Variants in IL7 observed in about 807,000 individuals in gnomAD.
IL7 encodes the protein interleukin-7.
A neutral mutation model predicts 21.6 loss-of-function variants in IL7; 3 were observed. The ratio of observed to expected loss-of-function variants is 0.14; its 90% CI spans 0.06 to 0.36. The LOEUF is 0.36. IL7 is among the 10% of genes least tolerant of loss of function. IL7 has a pLI of 1.00. For synonymous variants in IL7, 62 were observed against 68.1 expected (o/e 0.91, Z 0.44); for missense variants, 175 against 200.2 (o/e 0.87, Z 0.76).
chr8:78,725,260 G>C (rs1261986510), intron 3 of IL7, among the ~76,000 whole-genome samples: 1 of 151,924 alleles, frequency 6.6e-6, no homozygotes, highest in African/African-American at 2.4e-5. Flanking sequence ...TTAGTGGAGA[G>C]ACACAGAGCT....
At chr8:78,734,441 T>C (rs1233734608) in intron 5 of IL7, among the ~76,000 whole-genome samples, 1 of 152,222 alleles carries the variant, frequency 6.6e-6, no homozygotes, top group Non-Finnish European at 1.5e-5. Flanking sequence ...CTCAGTTATA[T>C]TTCTCTGAGT....
At chr8:78,678,764 G>T in intron 4 of IL7, 1 of 836,510 alleles carries the variant, frequency 1.2e-6, no homozygotes, top group Non-Finnish European at 1.8e-6. Flanking sequence ...GTAAGGTTAA[G>T]AATAAACACA....
intron 3 of IL7, among the ~76,000 whole-genome samples, chr8:78,694,844 G>A (rs1810347365): frequency 6.6e-6 from 1 of 152,116 alleles, no homozygotes; most frequent in Non-Finnish European, 1.5e-5. Context: ...ATGAATGAAA[G>A]AAATACGTTG....
At chr8:78,738,895 G>A (rs551626407) in intron 3 of IL7, among the ~76,000 whole-genome samples, 12 of 152,256 alleles carry the variant, frequency 7.9e-5, no homozygotes, top group African/African-American at 2.9e-4. Context: ...TTATGCTTAT[G>A]TGATCTTATC....
At chr8:78,686,422 A>G in intron 3 of IL7, 1 of 1,252,290 alleles carries the variant, frequency 8.0e-7, no homozygotes, top group Non-Finnish European at 1.0e-6. Context: ...TACTAAAAAG[A>G]TACTGTTTGT....
At chr8:78,770,653 A>G (rs1812917251) in intron 2 of IL7, among the ~76,000 whole-genome samples, 1 of 152,044 alleles carries the variant, frequency 6.6e-6, no homozygotes, top group Non-Finnish European at 1.5e-5. Context: ...AATTATATAT[A>G]CATATGCATA....
At chr8:78,678,666 C>T (rs139362657) in intron 4 of IL7, 9 of 1,606,914 alleles carry the variant, frequency 5.6e-6, no homozygotes, top group Non-Finnish European at 7.6e-6. Context: ...ACAGTAAAAC[C>T]TCTCAAACCG....
chr8:78,761,144 G>A (rs1812541786), intron 2 of IL7: 1 of 1,596,174 alleles, frequency 6.3e-7, no homozygotes, highest in Non-Finnish European at 8.5e-7. Flanking sequence ...ATGCCTCCCT[G>A]TCCACTGAGA....
intron 3 of IL7, among the ~76,000 whole-genome samples, chr8:78,712,595 A>G (rs1810985268): frequency 6.6e-6 from 1 of 152,168 alleles, no homozygotes; most frequent in Admixed American, 6.6e-5. Context: ...AGATGGTTGT[A>G]AATTCTGCCT....
chr8:78,769,989 A>G (rs902968381), intron 2 of IL7, among the ~76,000 whole-genome samples: 3 of 152,210 alleles, frequency 2.0e-5, no homozygotes, highest in Non-Finnish European at 4.4e-5. Context: ...CATATGTAGA[A>G]AGCTGAAACT....
At chr8:78,721,792 T>C (rs909227500) in intron 3 of IL7, among the ~76,000 whole-genome samples, 2 of 152,046 alleles carry the variant, frequency 1.3e-5, no homozygotes, top group African/African-American at 2.4e-5. Flanking sequence ...TTTACAACAT[T>C]TGTGCTTCAT....
At chr8:78,785,849 A>G (rs1357862580) in intron 2 of IL7, among the ~76,000 whole-genome samples, 6 of 152,190 alleles carry the variant, frequency 3.9e-5, no homozygotes, top group Admixed American at 1.3e-4. Flanking sequence ...AAGTGAAGCC[A>G]CAGTATTATC....
intron 2 of IL7, among the ~76,000 whole-genome samples, chr8:78,781,528 AGT>A (rs1261461866): frequency 6.6e-6 from 1 of 152,062 alleles, no homozygotes; most frequent in African/African-American, 2.4e-5. Context: ...TTCTTTTAAG[AGT>A]GTTGAATATT....
chr8:78,740,185 G>A, intron 2 of IL7, 103 bp from the exon 3 acceptor site: 1 of 662,320 alleles, frequency 1.5e-6, no homozygotes, highest in Non-Finnish European at 2.1e-6. Context: ...ATTTATATGT[G>A]CATTTTAAGG....
intron 3 of IL7, among the ~76,000 whole-genome samples, chr8:78,701,283 G>C (rs1284806168): frequency 6.6e-6 from 1 of 151,990 alleles, no homozygotes; most frequent in Non-Finnish European, 1.5e-5. Flanking sequence ...TCCTGATTTG[G>C]CTCTCTGCTT....
chr8:78,680,161 C>G (rs1019764024), intron 4 of IL7, among the ~76,000 whole-genome samples: 1 of 151,876 alleles, frequency 6.6e-6, no homozygotes, highest in African/African-American at 2.4e-5. Context: ...ATGGTGATTT[C>G]AATGAATATT....
chr8:78,740,160 C>A, intron 2 of IL7, 78 bp from the exon 3 acceptor site: 1 of 813,014 alleles, frequency 1.2e-6, no homozygotes, highest in Non-Finnish European at 1.7e-6. Context: ...AAATAATAAT[C>A]TTATAATATC....
At chr8:78,739,301 A>G (rs1215379694) in intron 3 of IL7, among the ~76,000 whole-genome samples, 1 of 152,210 alleles carries the variant, frequency 6.6e-6, no homozygotes, top group Admixed American at 6.5e-5. Context: ...ATAAGCAAAT[A>G]TTGAAAGAAA....
intron 4 of IL7, among the ~76,000 whole-genome samples, chr8:78,681,192 A>T (rs894135729): frequency 1.3e-5 from 2 of 152,018 alleles, no homozygotes; most frequent in African/African-American, 4.8e-5. Flanking sequence ...GAGAGCTGCT[A>T]GTTTGTATAG....
Sources: gnomAD v4.1 joint callset for allele counts (sites outside exome capture counted in the v4.1 genomes callset) on GRCh38, gnomAD v4.1.1 for gene constraint, MANE v1.5 for transcripts, NCBI Gene and HGNC (gene_info 2026-07-23, HGNC 2026-07-21) for gene names.